The following PALM2AKAP2 variants were observed in gnomAD, a reference collection of about 807,000 sequenced individuals.
The protein encoded by PALM2AKAP2 is PALM2-AKAP2 fusion protein.
A neutral mutation model predicts 71.5 loss-of-function variants in PALM2AKAP2; 37 were observed. The observed-to-expected ratio is 0.52, with a 90% CI of 0.40 to 0.68. The LOEUF is 0.68. Ranked by LOEUF, PALM2AKAP2 falls within the 30% of genes least tolerant of loss-of-function variation. The pLI is 0.00. For missense variants in PALM2AKAP2, 1,224 were observed against 1,191.8 expected (o/e 1.03, Z -0.40); for synonymous variants, 468 against 478.8 (o/e 0.98, Z 0.29).
chr9:109,724,191 T>C (rs1828443857), intron 1 of PALM2AKAP2, among the ~76,000 whole-genome samples: 1 of 152,134 alleles, frequency 6.6e-6, no homozygotes. Context: ...ATGTGCAAGA[T>C]GTACATCTTT....
At chr9:110,055,687 G>T (rs1833823631) in intron 1 of PALM2AKAP2, among the ~76,000 whole-genome samples, 1 of 152,160 alleles carries the variant, frequency 6.6e-6, no homozygotes, top group Admixed American at 6.5e-5. Context: ...GATTCTCATT[G>T]TGCAGAGTAT....
chr9:109,732,920 G>T (rs1828578066), intron 1 of PALM2AKAP2, among the ~76,000 whole-genome samples: 2 of 152,126 alleles, frequency 1.3e-5, no homozygotes, highest in South Asian at 4.1e-4. Flanking sequence ...CATGGGGTGG[G>T]TATGTGTGAC....
At chr9:109,655,966 C>T (rs1245400876) in intron 1 of PALM2AKAP2, among the ~76,000 whole-genome samples, 1 of 151,918 alleles carries the variant, frequency 6.6e-6, no homozygotes, top group Non-Finnish European at 1.5e-5. Flanking sequence ...TTATTGAAAG[C>T]CTATTATGAG....
chr9:109,785,890 T>C (rs1275571662), intron 1 of PALM2AKAP2, among the ~76,000 whole-genome samples: 3 of 152,222 alleles, frequency 2.0e-5, no homozygotes, highest in East Asian at 3.8e-4. Context: ...TAAAATCTTC[T>C]GGCTGGGAGG....
intron 7 of PALM2AKAP2, among the ~76,000 whole-genome samples, chr9:110,038,767 C>T (rs879813416): frequency 4.0e-5 from 6 of 151,194 alleles, no homozygotes; most frequent in South Asian, 2.1e-4. Context: ...GGTGAAACCC[C>T]GTCTCTACTA....
At chr9:109,897,876 C>T (rs1233622965) in intron 3 of PALM2AKAP2, among the ~76,000 whole-genome samples, 13 of 152,204 alleles carry the variant, frequency 8.5e-5, no homozygotes, top group Admixed American at 8.5e-4. Context: ...TCTATCCTCT[C>T]ACCAAGATTC....
chr9:110,111,409 A>C (rs922172826), intron 1 of PALM2AKAP2, among the ~76,000 whole-genome samples: 3 of 152,112 alleles, frequency 2.0e-5, no homozygotes, highest in Admixed American at 6.5e-5. Context: ...AGTAATTTTT[A>C]AATAATATTT....
chr9:110,132,714 G>A (rs1835761592), intron 1 of PALM2AKAP2, among the ~76,000 whole-genome samples: 1 of 151,766 alleles, frequency 6.6e-6, no homozygotes, highest in African/African-American at 2.4e-5. Context: ...TCTCCAGGTT[G>A]AAGCGATTCT....
intron 1 of PALM2AKAP2, among the ~76,000 whole-genome samples, chr9:110,105,134 T>G (rs1835085759): frequency 6.6e-6 from 1 of 152,210 alleles, no homozygotes; most frequent in Non-Finnish European, 1.5e-5. Flanking sequence ...CTGTATATGT[T>G]TTAATGGTTA....
At chr9:109,865,332 C>T (rs906962712) in intron 1 of PALM2AKAP2, among the ~76,000 whole-genome samples, 5 of 151,984 alleles carry the variant, frequency 3.3e-5, no homozygotes, top group African/African-American at 1.2e-4. Flanking sequence ...CTCGTGACCT[C>T]GGGTGATCCA....
At chr9:110,152,774 CAGCCTG>C (rs1354915525) in intron 2 of PALM2AKAP2, among the ~76,000 whole-genome samples, 1 of 152,186 alleles carries the variant, frequency 6.6e-6, no homozygotes, top group Non-Finnish European at 1.5e-5. Flanking sequence ...AGCCTTTTGG[CAGCCTG>C]TGTGATTCCT....
chr9:109,880,376 A>G (rs1254018297), intron 2 of PALM2AKAP2, among the ~76,000 whole-genome samples, 175 bp from the exon 3 acceptor site: 1 of 152,180 alleles, frequency 6.6e-6, no homozygotes, highest in Non-Finnish European at 1.5e-5. Flanking sequence ...ATAGAGATAA[A>G]TCTCCTTGGG....
chr9:109,825,745 A>C (rs1222339055), intron 1 of PALM2AKAP2, among the ~76,000 whole-genome samples: 1 of 152,212 alleles, frequency 6.6e-6, no homozygotes, highest in East Asian at 1.9e-4. Context: ...AAGAAATAGG[A>C]ACACTTTTAC....
chr9:109,856,005 C>T (rs1302471225), intron 1 of PALM2AKAP2, among the ~76,000 whole-genome samples: 1 of 152,136 alleles, frequency 6.6e-6, no homozygotes, highest in African/African-American at 2.4e-5. Flanking sequence ...TTAAAACCCC[C>T]TTGGGCCCTA....
intron 7 of PALM2AKAP2, among the ~76,000 whole-genome samples, chr9:110,036,752 C>A (rs2132441751): frequency 6.6e-6 from 1 of 152,156 alleles, no homozygotes; most frequent in East Asian, 1.9e-4. Context: ...CTTCTCTCAC[C>A]CCTCCTTTCT....
At chr9:109,759,001 T>G (rs2069319805) in intron 1 of PALM2AKAP2, among the ~76,000 whole-genome samples, 1 of 152,122 alleles carries the variant, frequency 6.6e-6, no homozygotes, top group South Asian at 2.1e-4. Context: ...CTGTGAGCTA[T>G]TTCGTTCCTT....
At chr9:110,052,301 C>T (rs919584514) in intron 1 of PALM2AKAP2, among the ~76,000 whole-genome samples, 4 of 152,224 alleles carry the variant, frequency 2.6e-5, no homozygotes, top group African/African-American at 4.8e-5. Context: ...CTCTCATTGG[C>T]ATGAGCCTCA....
At chr9:109,795,799 C>T (rs987314234) in intron 1 of PALM2AKAP2, among the ~76,000 whole-genome samples, 45 of 152,208 alleles carry the variant, frequency 3.0e-4, no homozygotes, top group Non-Finnish European at 7.3e-5. Context: ...GCACTGTTCA[C>T]ACAAGGTCCC....
chr9:110,089,609 G>A (rs962211191), intron 1 of PALM2AKAP2, among the ~76,000 whole-genome samples: 1 of 152,186 alleles, frequency 6.6e-6, no homozygotes, highest in Non-Finnish European at 1.5e-5. Context: ...TTTGACTTTT[G>A]TGTCTTAGGA....
Sources: gnomAD v4.1 joint callset for allele counts (sites outside exome capture counted in the v4.1 genomes callset) on GRCh38, gnomAD v4.1.1 for gene constraint, MANE v1.5 for transcripts, NCBI Gene and HGNC (gene_info 2026-07-23, HGNC 2026-07-21) for gene names.